Variants in CADM2 observed in about 807,000 individuals in gnomAD.
The protein encoded by CADM2 is cell adhesion molecule 2.
Under a neutral mutation model 49.8 loss-of-function variants are expected in CADM2, and 12 were observed. The observed-to-expected ratio is 0.24, with a 90% CI of 0.15 to 0.39. CADM2 has a LOEUF of 0.39. Ranked by LOEUF, CADM2 falls within the 10% of genes least tolerant of loss-of-function variation. CADM2 has a pLI of 1.00. For missense variants in CADM2, 378 were observed against 492.3 expected (o/e 0.77, Z 2.20); for synonymous variants, 214 against 175.4 (o/e 1.22, Z -1.74).
At chr3:85,571,944 C>G (rs1346469677) in intron 1 of CADM2, among the ~76,000 whole-genome samples, 1 of 152,172 alleles carries the variant, frequency 6.6e-6, no homozygotes, top group African/African-American at 2.4e-5. Context: ...ATATGACCAA[C>G]TTCAGTCTGG....
At chr3:84,996,798 C>T (rs2033202532) in intron 1 of CADM2, among the ~76,000 whole-genome samples, 1 of 151,982 alleles carries the variant, frequency 6.6e-6, no homozygotes. Context: ...CTAGCAATGT[C>T]CTCTGGATCA....
chr3:85,269,446 C>A (rs1464964258), intron 1 of CADM2, among the ~76,000 whole-genome samples: 2 of 151,272 alleles, frequency 1.3e-5, no homozygotes, highest in African/African-American at 4.8e-5. Flanking sequence ...AATAATTTGT[C>A]TTAAATGATG....
intron 1 of CADM2, among the ~76,000 whole-genome samples, chr3:85,667,656 T>A (rs1485259326): frequency 6.6e-5 from 10 of 152,070 alleles, no homozygotes; most frequent in African/African-American, 2.4e-4. Context: ...GCAAAGGGAC[T>A]ACTCAGGGAG....
chr3:85,232,162 TA>T, intron 1 of CADM2, among the ~76,000 whole-genome samples: 1 of 148,302 alleles, frequency 6.7e-6, no homozygotes, highest in Non-Finnish European at 1.5e-5. Flanking sequence ...TTATTATTAT[TA>T]TTTAGTGATT....
chr3:85,498,095 C>A (rs1368971308), intron 1 of CADM2, among the ~76,000 whole-genome samples: 1 of 151,690 alleles, frequency 6.6e-6, no homozygotes. Context: ...CAAGATCAAA[C>A]AAGGTGACAT....
chr3:85,375,279 C>A lies in CADM2; in HGVS notation c.62-351243C>A, dbSNP rs565565658. Among the ~76,000 whole-genome samples the A allele has an allele frequency of 5.3e-5, 8 of 152,132 alleles. No homozygotes were observed. The East Asian group carries it at 1.5e-3, about 29-fold the overall frequency. ...TGATAATAGAGTTAGGCTTTGAAGCCAAATCTATTTGATTCCAATTAAATT... is the reference window on the plus strand; with the variant it reads ...TGATAATAGAGTTAGGCTTTGAAGCAAAATCTATTTGATTCCAATTAAATT... On this transcript the variant is annotated intron_variant, in intron 1 of 9. Transcript: ENST00000383699.
intron 1 of CADM2, among the ~76,000 whole-genome samples, chr3:85,588,785 G>A (rs1306813760): frequency 6.6e-6 from 1 of 151,922 alleles, no homozygotes; most frequent in East Asian, 1.9e-4. Context: ...CAGACACTCT[G>A]GTAGGTGCAA....
At chr3:85,470,073 T>C (rs2038699718) in intron 1 of CADM2, among the ~76,000 whole-genome samples, 1 of 152,202 alleles carries the variant, frequency 6.6e-6, no homozygotes, top group Non-Finnish European at 1.5e-5. Flanking sequence ...GATTTAATAA[T>C]GTCTATTTAT....
At chr3:86,027,410 A>G (rs1247327359) in intron 8 of CADM2, among the ~76,000 whole-genome samples, 1 of 152,192 alleles carries the variant, frequency 6.6e-6, no homozygotes. Context: ...AGGAGATAAT[A>G]GTGTTTTTAA....
At chr3:85,603,173 T>G (rs1011442314) in intron 1 of CADM2, among the ~76,000 whole-genome samples, 1 of 151,932 alleles carries the variant, frequency 6.6e-6, no homozygotes, top group Non-Finnish European at 1.5e-5. Flanking sequence ...ATAATGGATC[T>G]GAAATATACA....
chr3:85,158,747 C>T (rs944771646), intron 1 of CADM2, among the ~76,000 whole-genome samples: 4 of 151,690 alleles, frequency 2.6e-5, no homozygotes, highest in Non-Finnish European at 4.4e-5. Flanking sequence ...TGCTAGATGA[C>T]GAGTTAGTGG....
At chr3:85,762,098 GAAAC>G (rs2069418496) in intron 2 of CADM2, among the ~76,000 whole-genome samples, 2 of 152,226 alleles carry the variant, frequency 1.3e-5, no homozygotes, top group East Asian at 1.9e-4. Context: ...GGTCAAACTT[GAAAC>G]AAACAAACAC....
intron 1 of CADM2, among the ~76,000 whole-genome samples, chr3:85,267,343 A>T (rs1262081706): frequency 6.6e-6 from 1 of 151,372 alleles, no homozygotes; most frequent in East Asian, 2.0e-4. Flanking sequence ...TCAAACATGC[A>T]AGGCACACTC....
At chr3:85,336,990 A>C (rs1172210712) in intron 1 of CADM2, among the ~76,000 whole-genome samples, 1 of 115,786 alleles carries the variant, frequency 8.6e-6, no homozygotes, top group Non-Finnish European at 1.9e-5. Flanking sequence ...ATATATATAT[A>C]TTTAATATAT....
At position 85,983,643 on chromosome 3, in the gene CADM2, A is replaced by G. The variant is rs115535151; in HGVS notation, c.970+21996A>G. On this transcript the variant is annotated intron_variant, in intron 8 of 9. Coordinates refer to ENST00000383699, the MANE Select transcript of CADM2 (RefSeq NM_001167675.2). ...TTAATGAAATGGTAGATTTTCCCCT[A>G]TAATTACAGTTTTAATCTGGCAAAA... Among the ~76,000 whole-genome samples, 917 of 151,840 alleles carry G rather than the reference A, an allele frequency of 6.0e-3. 9 individuals carry two copies. The highest frequency in any genetic ancestry group is 0.02 in the African/African-American group (814 of 41,492).
intron 1 of CADM2, among the ~76,000 whole-genome samples, chr3:85,661,321 G>A (rs975314887): frequency 6.6e-6 from 1 of 151,848 alleles, no homozygotes; most frequent in African/African-American, 2.4e-5. Flanking sequence ...TTGTAGATCT[G>A]GGGAATGCTA....
chr3:85,936,519 C>A (rs1207891862), intron 7 of CADM2, among the ~76,000 whole-genome samples: 6 of 151,670 alleles, frequency 4.0e-5, no homozygotes, highest in Non-Finnish European at 8.9e-5. Context: ...TATTTGAAAG[C>A]AATATGATCA....
chr3:85,318,718 A>G (rs1399119178), intron 1 of CADM2, among the ~76,000 whole-genome samples: 2 of 152,190 alleles, frequency 1.3e-5, no homozygotes, highest in Non-Finnish European at 2.9e-5. Flanking sequence ...TAAAACTGTG[A>G]CTTAGATCAC....
At chr3:85,526,670 A>G (rs557260009) in intron 1 of CADM2, among the ~76,000 whole-genome samples, 4 of 152,298 alleles carry the variant, frequency 2.6e-5, no homozygotes, top group Admixed American at 1.3e-4. Context: ...AAGACCAAAA[A>G]TGAAACACTG....
Sources: allele counts gnomAD v4.1 joint callset (sites outside exome capture counted in the v4.1 genomes callset), GRCh38; gene constraint gnomAD v4.1.1; transcripts MANE v1.5; gene names NCBI Gene and HGNC (gene_info 2026-07-23, HGNC 2026-07-21).